The following DCC variants were observed in gnomAD, a reference collection of about 807,000 sequenced individuals.
DCC encodes the protein DCC netrin 1 receptor.
Under a neutral mutation model 172.5 loss-of-function variants are expected in DCC, and 58 were observed. That is an observed-to-expected ratio of 0.34 (90% confidence interval 0.27 to 0.42). The LOEUF (loss-of-function observed/expected upper bound fraction) is 0.42. DCC is among the 10% of genes least tolerant of loss of function. DCC has a pLI of 1.00. For missense variants in DCC, 1,740 were observed against 1,791.0 expected (o/e 0.97, Z 0.51); for synonymous variants, 709 against 644.5 (o/e 1.10, Z -1.52).
chr18:52,699,975 A>T (rs17682244), intron 1 of DCC, among the ~76,000 whole-genome samples: 67,127 of 151,822 alleles, frequency 0.44, 14,957 homozygotes, highest in Non-Finnish European at 0.47. Flanking sequence ...AAATCTGTGA[A>T]TGAGTTTCCT....
chr18:53,359,283 C>A (rs2057918727), intron 15 of DCC, among the ~76,000 whole-genome samples: 1 of 152,142 alleles, frequency 6.6e-6, no homozygotes, highest in Non-Finnish European at 1.5e-5. Context: ...TATTTAACAG[C>A]CATTTTGCTG....
At chr18:53,231,342 T>C (rs951431295) in intron 12 of DCC, among the ~76,000 whole-genome samples, 2 of 152,076 alleles carry the variant, frequency 1.3e-5, no homozygotes, top group Non-Finnish European at 1.5e-5. Flanking sequence ...TGAAAAGTCA[T>C]AAATGATCAT....
At chr18:53,143,969 TTGG>T (rs1453226527) in intron 7 of DCC, among the ~76,000 whole-genome samples, 1 of 152,214 alleles carries the variant, frequency 6.6e-6, no homozygotes, top group Non-Finnish European at 1.5e-5. Flanking sequence ...ATAATTCTCT[TTGG>T]TGGAATTAAT....
intron 12 of DCC, among the ~76,000 whole-genome samples, chr18:53,291,129 C>T (rs765546935): frequency 4.0e-5 from 6 of 151,738 alleles, no homozygotes; most frequent in Non-Finnish European, 8.8e-5. Flanking sequence ...GATGGTGCCA[C>T]TGCATTCCAG....
At chr18:53,435,029 T>C (rs1911847199) in intron 21 of DCC, 115 bp from the exon 22 acceptor site, 2 of 818,752 alleles carry the variant, frequency 2.4e-6, no homozygotes, top group East Asian at 2.4e-5. Flanking sequence ...TCAGGCTTTC[T>C]TGGGGGTGAT....
At chr18:52,768,849 T>C (rs1343082828) in intron 2 of DCC, among the ~76,000 whole-genome samples, 1 of 152,172 alleles carries the variant, frequency 6.6e-6, no homozygotes, top group Non-Finnish European at 1.5e-5. Context: ...AATTAGTTTT[T>C]AGAAAGTTAG....
At chr18:52,394,508 C>A in intron 1 of DCC, among the ~76,000 whole-genome samples, 1 of 151,620 alleles carries the variant, frequency 6.6e-6, no homozygotes, top group Admixed American at 6.6e-5. Context: ...AACTCCTGGT[C>A]TCAGGTGATC....
At position 52,487,944 on chromosome 18, in the gene DCC, A is replaced by G. The variant is rs528597582; in HGVS notation, c.91+147066A>G. Among the ~76,000 whole-genome samples, 4 of 152,048 alleles carry G rather than the reference A, an allele frequency of 2.6e-5. No homozygotes were observed. The South Asian group carries it at 6.2e-4, about 24-fold the overall frequency. On this transcript the variant is annotated intron_variant, in intron 1 of 28. Transcript: ENST00000442544. The stretch of plus-strand genomic sequence containing the variant: ...GGATGAGTCTCCTTCAAGATGTTCA[A>G]TCTAATGCCTGAGATCTTTCCTAAG...
chr18:52,979,584 G>A (rs1013025836), intron 5 of DCC, among the ~76,000 whole-genome samples: 1 of 152,154 alleles, frequency 6.6e-6, no homozygotes, highest in African/African-American at 2.4e-5. Flanking sequence ...CCCAAGTAAG[G>A]AGAAAGTAGG....
intron 2 of DCC, among the ~76,000 whole-genome samples, chr18:52,807,669 A>C (rs527728591): frequency 6.6e-6 from 1 of 152,164 alleles, no homozygotes; most frequent in African/African-American, 2.4e-5. Flanking sequence ...AAATAAATCA[A>C]TTCCACCATA....
At chr18:53,468,369 T>TTTATG in intron 25 of DCC, among the ~76,000 whole-genome samples, 1 of 136,668 alleles carries the variant, frequency 7.3e-6, no homozygotes, top group African/African-American at 2.7e-5. Context: ...TTTATTTTAT[T>TTTATG]TATTTATTTA....
At chr18:52,415,995 C>T (rs1320511369) in intron 1 of DCC, among the ~76,000 whole-genome samples, 6 of 151,868 alleles carry the variant, frequency 4.0e-5, no homozygotes, top group African/African-American at 9.7e-5. Context: ...TTCCTGCTTT[C>T]TCTTGTGGGC....
intron 2 of DCC, among the ~76,000 whole-genome samples, chr18:52,754,793 G>A (rs1447012142): frequency 6.6e-6 from 1 of 152,164 alleles, no homozygotes; most frequent in Non-Finnish European, 1.5e-5. Context: ...CATATCCTGG[G>A]AAGCCACCTC....
Position 53,175,474 on chromosome 18 carries a change from C to T in DCC, c.1419-3488C>T, listed in dbSNP as rs561719341. 4.8e-4 allele frequency among the ~76,000 whole-genome samples: 73 copies of T among 151,934 alleles called. 1 individual carries two copies. The East Asian group carries it at 0.011, about 23-fold the overall frequency. On this transcript the variant is annotated intron_variant, in intron 8 of 28. Transcript: ENST00000442544. ...TCCTTAAGCTGATAAGCAACTTCAGCAAAGTCTCAGCATACAAAATCAATG... is the reference window on the plus strand; with the variant it reads ...TCCTTAAGCTGATAAGCAACTTCAGTAAAGTCTCAGCATACAAAATCAATG...
At position 52,427,811 on chromosome 18, in the gene DCC, CCTTT is replaced by C. The variant is rs1568165645; in HGVS notation, c.91+86937_91+86940del. 8.9e-4 allele frequency among the ~76,000 whole-genome samples: 103 copies of C among 115,192 alleles called. 1 individual carries two copies. The highest frequency in any genetic ancestry group is 6.6e-3 in the East Asian group (21 of 3,162). 75.6% of individuals were successfully genotyped at this position (115,192 alleles called of 152,430 possible). A position where few individuals can be genotyped will look rare whatever the true frequency, so the allele number is the denominator to read the frequency against. On this transcript the variant is annotated intron_variant, in intron 1 of 28. Transcript: ENST00000442544. Reference sequence around the variant, plus strand: ...TGAGGTAAACTAACTTTCTTTTCTTCCTTTCTTCCTTCCTTCCTTCCTTTCTTCC... The same window carrying C: ...TGAGGTAAACTAACTTTCTTTTCTTCCTTCCTTCCTTCCTTCCTTTCTTCC...
chr18:52,655,513 C>G (rs767382781), intron 1 of DCC, among the ~76,000 whole-genome samples: 8 of 152,058 alleles, frequency 5.3e-5, no homozygotes, highest in Admixed American at 1.3e-4. Context: ...AGTGTCTTCT[C>G]TGAGCCATGG....
intron 12 of DCC, among the ~76,000 whole-genome samples, chr18:53,247,451 A>C (rs1195655869): frequency 6.6e-6 from 1 of 152,036 alleles, no homozygotes; most frequent in Non-Finnish European, 1.5e-5. Flanking sequence ...TTACAAACCG[A>C]CATTAAACTC....
chr18:52,844,934 T>C (rs1404810047), intron 2 of DCC, among the ~76,000 whole-genome samples: 1 of 152,190 alleles, frequency 6.6e-6, no homozygotes, highest in African/African-American at 2.4e-5. Flanking sequence ...ATGAAACAAC[T>C]ATGGGAAATA....
At chr18:52,588,317 A>G (rs989245669) in intron 1 of DCC, among the ~76,000 whole-genome samples, 5 of 152,200 alleles carry the variant, frequency 3.3e-5, no homozygotes, top group African/African-American at 1.2e-4. Context: ...GTGGCAGAGC[A>G]GGTTGCACAG....
Sources: gnomAD v4.1 joint callset for allele counts (sites outside exome capture counted in the v4.1 genomes callset) on GRCh38, gnomAD v4.1.1 for gene constraint, MANE v1.5 for transcripts, NCBI Gene and HGNC (gene_info 2026-07-23, HGNC 2026-07-21) for gene names.